Variants in CHD1L observed in about 807,000 individuals in gnomAD.
The protein encoded by CHD1L is chromodomain helicase DNA binding protein 1 like, also known as ATP-dependent chromatin remodeler CHD1L.
Under a neutral mutation model 115.9 loss-of-function variants are expected in CHD1L, and 118 were observed. The ratio of observed to expected loss-of-function variants is 1.02; its 90% CI spans 0.88 to 1.19. CHD1L has a LOEUF of 1.19. Among genes scored for constraint, CHD1L ranks in the 50% most tolerant of loss-of-function variants. The probability of loss-of-function intolerance (pLI) is 0.00; values close to 1 mark genes in which losing one functional copy is unlikely to be tolerated. For missense variants in CHD1L, 1,179 were observed against 1,065.3 expected (o/e 1.11, Z -1.49); for synonymous variants, 411 against 387.1 (o/e 1.06, Z -0.72).
the CHD1L span, among the ~76,000 whole-genome samples, chr1:147,188,571 CAA>C: frequency 1.4e-5 from 2 of 140,582 alleles, no homozygotes. Context: ...GAAGGTTTCA[CAA>C]AAGAGGTTCA....
At chr1:147,192,967 A>T in the CHD1L span, among the ~76,000 whole-genome samples, 1 of 151,962 alleles carries the variant, frequency 6.6e-6, no homozygotes, top group South Asian at 2.1e-4. Context: ...ATTGGTCTAA[A>T]ATTCTTTTTT....
At chr1:147,267,344 C>A in intron 8 of CHD1L, 82 bp from the exon 9 acceptor site, 1 of 954,916 alleles carries the variant, frequency 1.0e-6, no homozygotes, top group Non-Finnish European at 1.6e-6. Context: ...ATTAAGGTTA[C>A]TTGTAAAAAC....
intron 21 of CHD1L, 36 bp from the exon 22 acceptor site, chr1:147,294,373 G>A: frequency 1.3e-6 from 2 of 1,484,602 alleles, no homozygotes; most frequent in South Asian, 1.2e-5. Flanking sequence ...ATCAATTTTT[G>A]ATGAGTGAAG....
At position 147,275,407 on chromosome 1, in the gene CHD1L, G is replaced by A; in HGVS notation, c.1324G>A (p.Asp442Asn). Residue 442 changes from aspartate to asparagine, a missense_variant, in exon 13 of 23, where the codon GAC becomes AAC. Coordinates refer to ENST00000369258, the MANE Select transcript of CHD1L (RefSeq NM_004284.6). ...AGATACTGTGATTTTTGTTGACAGTGACTTTAATCCTCAGAATGACTTGCA... is the reference window on the plus strand; with the variant it reads ...AGATACTGTGATTTTTGTTGACAGTAACTTTAATCCTCAGAATGACTTGCA... ...AADTVIFVDS[D>N]FNPQNDLQAA... 6.2e-7 allele frequency: 1 copy of A among 1,614,138 alleles called. No individual in the cohort carries two copies. The highest frequency in any genetic ancestry group is 8.5e-7 in the Non-Finnish European group (1 of 1,180,000).
chr1:147,280,442 A>C (rs782665280), intron 15 of CHD1L, among the ~76,000 whole-genome samples: 1 of 152,196 alleles, frequency 6.6e-6, no homozygotes, highest in African/African-American at 2.4e-5. Flanking sequence ...GATAGTATCA[A>C]TCTTAAGGCT....
At chr1:147,219,716 G>A in the CHD1L span, among the ~76,000 whole-genome samples, 244 of 150,086 alleles carry the variant, frequency 1.6e-3, no homozygotes, top group East Asian at 5.5e-3. Context: ...TGACCTGACC[G>A]TCTATGTAGA....
At chr1:147,235,106 T>C in the CHD1L span, among the ~76,000 whole-genome samples, 1 of 151,844 alleles carries the variant, frequency 6.6e-6, no homozygotes, top group Non-Finnish European at 1.5e-5. Flanking sequence ...TGTGTGTGTG[T>C]GTGTGTGTGT....
At chr1:147,198,850 CAAAAAAA>C in the CHD1L span, among the ~76,000 whole-genome samples, 6 of 51,780 alleles carry the variant, frequency 1.2e-4, no homozygotes, top group Non-Finnish European at 1.8e-4. Flanking sequence ...GACTGCATCT[CAAAAAAA>C]AAAAAAAAAA....
At chr1:147,286,926 G>A (rs1451681807) in intron 18 of CHD1L, among the ~76,000 whole-genome samples, 1 of 151,890 alleles carries the variant, frequency 6.6e-6, no homozygotes, top group Non-Finnish European at 1.5e-5. Flanking sequence ...TCAAATGTCT[G>A]TTTCTCAGAG....
At chr1:147,289,071 C>CT (rs1415421792) in intron 19 of CHD1L, among the ~76,000 whole-genome samples, 3 of 152,128 alleles carry the variant, frequency 2.0e-5, no homozygotes, top group Admixed American at 2.0e-4. Context: ...AGAATGACTA[C>CT]TTTTTCTAGT....
At chr1:147,291,609 G>A in intron 20 of CHD1L, 57 bp downstream of exon 20, 1 of 1,429,230 alleles carries the variant, frequency 7.0e-7, no homozygotes, top group Non-Finnish European at 9.9e-7. Flanking sequence ...AACTTCTCTT[G>A]AAGTGTCCCC....
At chr1:147,241,154 G>A (rs782399819), upstream of CHD1L, among the ~76,000 whole-genome samples, 12 of 152,156 alleles carry the variant, frequency 7.9e-5, no homozygotes, top group Non-Finnish European at 1.6e-4. Flanking sequence ...GTACCATAGA[G>A]TGCTTGGCAC....
chr1:147,178,924 A>G, the CHD1L span: 11 of 1,593,940 alleles, frequency 6.9e-6, no homozygotes, highest in Non-Finnish European at 9.5e-6. Flanking sequence ...GGACTATGAA[A>G]AGAATGCTAA....
intron 14 of CHD1L, among the ~76,000 whole-genome samples, chr1:147,278,083 T>C (rs72999651): frequency 0.015 from 2,256 of 152,240 alleles, 20 homozygotes; most frequent in South Asian, 0.018. Flanking sequence ...GGAAAGTTAC[T>C]TTCTGACTCT....
the CHD1L span, among the ~76,000 whole-genome samples, chr1:147,214,537 A>G: frequency 6.6e-6 from 1 of 151,482 alleles, no homozygotes; most frequent in East Asian, 1.9e-4. Flanking sequence ...TTCCTCTATC[A>G]TGTTCTTTTA....
At chr1:147,283,404 A>G (rs970142252) in intron 15 of CHD1L, among the ~76,000 whole-genome samples, 9 of 152,152 alleles carry the variant, frequency 5.9e-5, no homozygotes, top group South Asian at 2.1e-4. Flanking sequence ...GTGCTACTAA[A>G]TATGCTTCCC....
At chr1:147,203,407 T>C in the CHD1L span, 1 of 931,288 alleles carries the variant, frequency 1.1e-6, no homozygotes, top group Non-Finnish European at 1.8e-6. Context: ...GATAGACCAG[T>C]GTTTTCCCAG....
At chr1:147,235,299 C>T in the CHD1L span, among the ~76,000 whole-genome samples, 2 of 152,136 alleles carry the variant, frequency 1.3e-5, no homozygotes, top group Non-Finnish European at 2.9e-5. Context: ...CTTGAGTGAT[C>T]CCCAGGCTCA....
intron 14 of CHD1L, among the ~76,000 whole-genome samples, chr1:147,277,849 G>A (rs190799171): frequency 7.1e-4 from 108 of 152,274 alleles, no homozygotes; most frequent in East Asian, 4.4e-3. Context: ...CACAAGGCCC[G>A]CATTCTCTTG....
Sources: allele counts gnomAD v4.1 joint callset (sites outside exome capture counted in the v4.1 genomes callset), GRCh38; gene constraint gnomAD v4.1.1; transcripts MANE v1.5; gene names NCBI Gene and HGNC (gene_info 2026-07-23, HGNC 2026-07-21).